Variants in ZFAT observed in about 807,000 individuals in gnomAD.
ZFAT encodes the protein zinc finger protein ZFAT.
Under a neutral mutation model 117.7 loss-of-function variants are expected in ZFAT, and 64 were observed. The observed-to-expected ratio is 0.54, with a 90% CI of 0.44 to 0.67. ZFAT has a LOEUF of 0.67. ZFAT is among the 30% of genes least tolerant of loss of function. ZFAT has a pLI of 0.00. For synonymous variants in ZFAT, 679 were observed against 615.0 expected (o/e 1.10, Z -1.54); for missense variants, 1,433 against 1,584.5 (o/e 0.90, Z 1.62).
chr8:134,631,295 T>A (rs16905203), intron 3 of ZFAT, among the ~76,000 whole-genome samples: 2,866 of 152,206 alleles, frequency 0.019, 78 homozygotes, highest in African/African-American at 0.065. Flanking sequence ...GGGTGCCACT[T>A]CCATCGCTTA....
chr8:134,725,581 T>G, the ZFAT span, among the ~76,000 whole-genome samples: 1 of 151,902 alleles, frequency 6.6e-6, no homozygotes, highest in African/African-American at 2.4e-5. Context: ...TCACAAAGGA[T>G]CCACCGCCAC....
chr8:134,567,381 C>G (rs1319046239), intron 10 of ZFAT, among the ~76,000 whole-genome samples: 1 of 152,074 alleles, frequency 6.6e-6, no homozygotes, highest in Non-Finnish European at 1.5e-5. Context: ...TTTAGGTCCT[C>G]CTCATTTCTT....
chr8:134,482,377 T>C (rs779912509), intron 15 of ZFAT, among the ~76,000 whole-genome samples: 54 of 152,204 alleles, frequency 3.5e-4, no homozygotes, highest in Non-Finnish European at 6.0e-4. Context: ...CAGGCGGATC[T>C]TGAAAAGCCT....
At chr8:134,535,219 T>G (rs958079458) in intron 11 of ZFAT, among the ~76,000 whole-genome samples, 2 of 152,188 alleles carry the variant, frequency 1.3e-5, no homozygotes, top group African/African-American at 2.4e-5. Flanking sequence ...ATTTTTGCAT[T>G]GTTGATTGGT....
intron 9 of ZFAT, among the ~76,000 whole-genome samples, chr8:134,584,749 C>A (rs1241311769): frequency 7.0e-6 from 1 of 142,810 alleles, no homozygotes; most frequent in Non-Finnish European, 1.5e-5. Flanking sequence ...CAGGCCGTTA[C>A]AATATTGTGT....
At chr8:134,539,052 C>T (rs970689792) in intron 11 of ZFAT, among the ~76,000 whole-genome samples, 1 of 152,086 alleles carries the variant, frequency 6.6e-6, no homozygotes, top group African/African-American at 2.4e-5. Context: ...GTTCTTTAAA[C>T]AGAAAGAAAG....
chr8:134,826,483 C>T, the ZFAT span, among the ~76,000 whole-genome samples: 1 of 152,182 alleles, frequency 6.6e-6, no homozygotes, highest in South Asian at 2.1e-4. Context: ...CAGTATCACA[C>T]ATTTAACTAT....
At chr8:134,618,748 G>T (rs1020002570) in intron 3 of ZFAT, among the ~76,000 whole-genome samples, 2 of 152,018 alleles carry the variant, frequency 1.3e-5, no homozygotes, top group South Asian at 2.1e-4. Flanking sequence ...CTGCACAAAA[G>T]AAATAAATAA....
In ZFAT at chr8:134,602,510, G is replaced by C. The variant is rs202211030; in HGVS notation, c.1209C>G (p.Leu403=). The change falls in exon 6 of 16, where the codon CTC becomes CTG. Residue 403 remains leucine, a synonymous_variant. Transcript: ENST00000377838. ...LMTREGKRQL[L]YDCHICERKF... ...TGCGCTCACAGATGTGGCAGTCATA[G>C]AGCAGCTGCCGCTTGCCCTCCCTCG... 4.3e-4 allele frequency: 687 copies of C among 1,613,918 alleles called. 5 individuals are homozygous for C. Among genetic ancestry groups the C allele is most frequent in the Middle Eastern group, 3.8e-3 (23 of 6,062 alleles).
At chr8:134,590,692 CAA>C (rs1490061513) in intron 7 of ZFAT, among the ~76,000 whole-genome samples, 21 of 125,162 alleles carry the variant, frequency 1.7e-4, no homozygotes, top group African/African-American at 5.4e-4. Context: ...CCACCACCAA[CAA>C]CAACACCACG....
At chr8:134,761,810 T>C in the ZFAT span, among the ~76,000 whole-genome samples, 1 of 152,084 alleles carries the variant, frequency 6.6e-6, no homozygotes, top group Non-Finnish European at 1.5e-5. Context: ...GTCACAACAA[T>C]ATGCACTTAT....
At chr8:134,768,727 G>A in the ZFAT span, among the ~76,000 whole-genome samples, 1 of 152,144 alleles carries the variant, frequency 6.6e-6, no homozygotes, top group Non-Finnish European at 1.5e-5. Flanking sequence ...CAACATGTGG[G>A]AATTCAAGAT....
At chr8:134,630,483 C>A (rs1166628093) in intron 3 of ZFAT, among the ~76,000 whole-genome samples, 1 of 152,124 alleles carries the variant, frequency 6.6e-6, no homozygotes, top group Non-Finnish European at 1.5e-5. Flanking sequence ...AATAAAAAAT[C>A]ATCATGAAGA....
At chr8:134,780,891 A>C in the ZFAT span, among the ~76,000 whole-genome samples, 1 of 152,212 alleles carries the variant, frequency 6.6e-6, no homozygotes, top group Non-Finnish European at 1.5e-5. Flanking sequence ...TGTCTCAGGA[A>C]ACCAAAGTGA....
In ZFAT at chr8:134,612,916, A is replaced by G. The variant is rs568225381; in HGVS notation, c.449-2261T>C. On this transcript the variant is annotated intron_variant, in intron 3 of 15. Transcript: ENST00000377838. Reference sequence around the variant, plus strand: ...CCTACATTTTGTAGGCTTGATTTGCATCATGCCTAACAGCAGTTTTCATTT... The same window carrying G: ...CCTACATTTTGTAGGCTTGATTTGCGTCATGCCTAACAGCAGTTTTCATTT... 4.6e-5 allele frequency among the ~76,000 whole-genome samples: 7 copies of G among 152,350 alleles called. No homozygotes were observed. In the South Asian group the frequency reaches 1.5e-3, roughly 32 times the overall value.
chr8:134,810,806 T>G, the ZFAT span, among the ~76,000 whole-genome samples: 1 of 152,226 alleles, frequency 6.6e-6, no homozygotes, highest in Admixed American at 6.5e-5. Context: ...ATTTACAGAT[T>G]GCAGCCACAC....
At chr8:134,645,406 G>A (rs1454723611) in intron 2 of ZFAT, among the ~76,000 whole-genome samples, 1 of 152,092 alleles carries the variant, frequency 6.6e-6, no homozygotes, top group African/African-American at 2.4e-5. Context: ...AAAATTTTTT[G>A]TCATGTTAAG....
chr8:134,650,397 A>T lies in ZFAT; in HGVS notation c.196+7164T>A, dbSNP rs201427660. ...CACCTCAGCTTCCCAAAGTGCTGGG[A>T]TTACAGTCGTGAGCCACTGCGCCCG... On this transcript the variant is annotated intron_variant, in intron 2 of 15. Coordinates refer to ENST00000377838, the MANE Select transcript of ZFAT (RefSeq NM_020863.4). 3.2e-4 allele frequency among the ~76,000 whole-genome samples: 49 copies of T among 152,220 alleles called. No individual in the cohort carries two copies. The East Asian group carries it at 8.7e-3, about 27-fold the overall frequency.
At chr8:134,645,338 T>G (rs1044086024) in intron 2 of ZFAT, among the ~76,000 whole-genome samples, 8 of 152,194 alleles carry the variant, frequency 5.3e-5, no homozygotes, top group Admixed American at 5.2e-4. Context: ...GCCTCAAATT[T>G]TATGAACTTT....
Sources: gnomAD v4.1 joint callset for allele counts (sites outside exome capture counted in the v4.1 genomes callset) on GRCh38, gnomAD v4.1.1 for gene constraint, MANE v1.5 for transcripts, NCBI Gene and HGNC (gene_info 2026-07-23, HGNC 2026-07-21) for gene names.